Variants in PDPK1 observed in about 807,000 individuals in gnomAD.
The protein encoded by PDPK1 is 3-phosphoinositide dependent protein kinase 1, also known as 3-phosphoinositide-dependent protein kinase 1.
Under a neutral mutation model 39.8 loss-of-function variants are expected in PDPK1, and 7 were observed. That is an observed-to-expected ratio of 0.18 (90% CI 0.10 to 0.33). The LOEUF is 0.33. Ranked by LOEUF, PDPK1 falls within the 10% of genes least tolerant of loss-of-function variation. The pLI is 1.00. For synonymous variants in PDPK1, 118 were observed against 159.1 expected (o/e 0.74, Z 1.95); for missense variants, 182 against 384.7 (o/e 0.47, Z 4.41).
chr16:2,556,219 G>A (rs2066491625), intron 1 of PDPK1: 1 of 144,276 alleles, frequency 6.9e-6, no homozygotes, highest in African/African-American at 2.7e-5. Context: ...CCAATTAACT[G>A]CGACGACAGG....
chr16:2,592,083 G>C (rs1597070590), intron 11 of PDPK1, among the ~76,000 whole-genome samples: 1 of 152,236 alleles, frequency 6.6e-6, no homozygotes, highest in East Asian at 1.9e-4. Context: ...CGGGGCTCTG[G>C]GTCCTTGCTG....
intron 1 of PDPK1, among the ~76,000 whole-genome samples, chr16:2,543,738 T>C (rs554400741): frequency 6.6e-6 from 1 of 152,356 alleles, no homozygotes; most frequent in South Asian, 2.1e-4. Flanking sequence ...TTTTTTGTTT[T>C]TGAGACAGAA....
At chr16:2,562,684 CAG>C in intron 4 of PDPK1, 1 of 151,778 alleles carries the variant, frequency 6.6e-6, no homozygotes, top group Non-Finnish European at 1.5e-5. Context: ...CGATCCGTGT[CAG>C]AGGCTTCCCG....
Position 2,600,008 on chromosome 16 carries a change from C to T in PDPK1, c.*2241C>T, listed in dbSNP as rs565667834. On this transcript the variant is annotated 3_prime_UTR_variant, in exon 14 of 14. Coordinates refer to ENST00000342085, the MANE Select transcript of PDPK1 (RefSeq NM_002613.5). The stretch of plus-strand genomic sequence containing the variant: ...AGCCAAAATGATGCCATTGCCTGAG[C>T]TGACAGCCAAGCCCTTCTGTGGGTC... The T allele has an allele frequency of 4.7e-4, 109 of 233,072 alleles. 1 individual carries two copies. Among genetic ancestry groups the T allele is most frequent in the Non-Finnish European group, 8.2e-4 (97 of 118,134 alleles). The allele number at this position is 233,072 out of a possible 1,614,324, so 14.4% of individuals were successfully genotyped here. A position where few individuals can be genotyped will look rare whatever the true frequency, so the allele number is the denominator to read the frequency against.
rs189787811 is a variant in PDPK1, at chr16:2,598,176, G to T, written c.*409G>T. On this transcript the variant is annotated 3_prime_UTR_variant, in exon 14 of 14. Transcript: ENST00000342085. ...GTGCTGGTCCTGCTGTGGCCGAGGGGACCGGGTGTGTTTGGCTCTTTATGC... is the reference window on the plus strand; with the variant it reads ...GTGCTGGTCCTGCTGTGGCCGAGGGTACCGGGTGTGTTTGGCTCTTTATGC... 29 of 246,442 alleles carry T rather than the reference G, an allele frequency of 1.2e-4. 1 individual carries two copies. The East Asian group carries it at 1.3e-3, about 11-fold the overall frequency. 15.3% of individuals were successfully genotyped at this position (246,442 alleles called of 1,614,324 possible). A position where few individuals can be genotyped will look rare whatever the true frequency, so the allele number is the denominator to read the frequency against.
At chr16:2,544,809 C>A (rs996712594) in intron 1 of PDPK1, among the ~76,000 whole-genome samples, 2 of 152,090 alleles carry the variant, frequency 1.3e-5, no homozygotes, top group African/African-American at 4.8e-5. Flanking sequence ...TGGAATTGAT[C>A]TCCTGACCTC....
At position 2,603,163 on chromosome 16, in the gene PDPK1, T is replaced by G. The variant is rs1358710808; in HGVS notation, c.*5396T>G. The G allele has an allele frequency of 4.6e-6, 1 of 218,826 alleles. No homozygotes were observed. The highest frequency in any genetic ancestry group is 9.2e-6 in the Non-Finnish European group (1 of 108,934). The allele number at this position is 218,826 out of a possible 1,614,324, so 13.6% of individuals were successfully genotyped here. ...AATTTTCCTCGTATGGTCAGTAGTCTTGTAATAAAAAGCATGTAGAGTGTA... is the reference window on the plus strand; with the variant it reads ...AATTTTCCTCGTATGGTCAGTAGTCGTGTAATAAAAAGCATGTAGAGTGTA... On this transcript the variant is annotated 3_prime_UTR_variant, in exon 14 of 14. Transcript: ENST00000342085.
At chr16:2,591,346 A>G (rs1433240237) in intron 11 of PDPK1, among the ~76,000 whole-genome samples, 1 of 152,228 alleles carries the variant, frequency 6.6e-6, no homozygotes, top group East Asian at 1.9e-4. Flanking sequence ...GCCCCCATGT[A>G]TGACCCTATG....
chr16:2,598,034 G>T lies in PDPK1; in HGVS notation c.*267G>T. The T allele has an allele frequency of 2.0e-6, 1 of 507,980 alleles. No individual in the cohort carries two copies. The highest frequency in any genetic ancestry group is 3.4e-5 in the East Asian group (1 of 29,844). The allele number at this position is 507,980 out of a possible 1,614,324, so 31.5% of individuals were successfully genotyped here. On this transcript the variant is annotated 3_prime_UTR_variant, in exon 14 of 14. Coordinates refer to ENST00000342085, the MANE Select transcript of PDPK1 (RefSeq NM_002613.5). ...GAGGCCTCCGTGTGCCCTCGTTGCC[G>T]TGGGGACCCAGCTCCATGCACGTCA... is the stretch of plus-strand genomic sequence containing the variant.
At chr16:2,557,990 A>C in intron 2 of PDPK1, 27 bp downstream of exon 2, 1 of 1,610,252 alleles carries the variant, frequency 6.2e-7, no homozygotes, top group East Asian at 2.2e-5. Flanking sequence ...GCTGTGTGTC[A>C]AACGTACGTG....
intron 11 of PDPK1, among the ~76,000 whole-genome samples, chr16:2,589,965 T>A (rs1366988100): frequency 6.6e-6 from 1 of 152,194 alleles, no homozygotes. Context: ...CAGTCCACAA[T>A]GCAGTCGAAA....
At chr16:2,587,102 CCCT>C (rs2066893157) in intron 11 of PDPK1, among the ~76,000 whole-genome samples, 1 of 152,216 alleles carries the variant, frequency 6.6e-6, no homozygotes, top group Non-Finnish European at 1.5e-5. Context: ...CCGGGCGCTC[CCCT>C]CCTCTGCCGG....
At chr16:2,585,934 T>C (rs1299917462) in intron 10 of PDPK1, among the ~76,000 whole-genome samples, 1 of 152,214 alleles carries the variant, frequency 6.6e-6, no homozygotes, top group Admixed American at 6.5e-5. Context: ...CCCCTTGTCC[T>C]TGGCCTCCAC....
At chr16:2,540,045 C>T (rs2066216175) in intron 1 of PDPK1, among the ~76,000 whole-genome samples, 3 of 152,188 alleles carry the variant, frequency 2.0e-5, no homozygotes, top group Admixed American at 2.0e-4. Context: ...CTGGATTCCC[C>T]CATGTGTACG....
chr16:2,586,556 C>G (rs1389871776), intron 10 of PDPK1, 120 bp from the exon 11 acceptor site: 3 of 795,658 alleles, frequency 3.8e-6, no homozygotes, highest in Middle Eastern at 3.6e-4. Context: ...ACCCTGTCGC[C>G]TTGCGCCTTG....
At chr16:2,596,024 G>A (rs1179706206) in intron 12 of PDPK1, among the ~76,000 whole-genome samples, 174 bp downstream of exon 12, 1 of 152,200 alleles carries the variant, frequency 6.6e-6, no homozygotes, top group East Asian at 1.9e-4. Context: ...AAGCCATGTG[G>A]AGCCACACGC....
chr16:2,595,682 G>T (rs1290785398), intron 11 of PDPK1, 111 bp from the exon 12 acceptor site: 9 of 824,084 alleles, frequency 1.1e-5, no homozygotes, highest in Non-Finnish European at 1.9e-5. Flanking sequence ...AGTGAGGCTG[G>T]CTCTGTGAGG....
Position 2,562,147 on chromosome 16 carries a change from TG to T in PDPK1, c.466+240del, listed in dbSNP as rs1270516212. On this transcript the variant is annotated intron_variant, in intron 4 of 13. Coordinates refer to ENST00000342085, the MANE Select transcript of PDPK1 (RefSeq NM_002613.5). ...CAGCACAGTCCTCTCTGCTGCGGCT[TG>T]CTTGGTCGGCGTCCCTTGCTCCCCT... 45 of 529,598 alleles carry T rather than the reference TG, an allele frequency of 8.5e-5. No homozygotes were observed. The African/African-American group carries it at 8.6e-4, about 10-fold the overall frequency. The allele number at this position is 529,598 out of a possible 1,614,324, so 32.8% of individuals were successfully genotyped here.
Position 2,597,083 on chromosome 16 carries a change from A to G in PDPK1, c.1402-40A>G. 2 of 1,511,768 alleles carry G rather than the reference A, an allele frequency of 1.3e-6. No individual in the cohort carries two copies. Among genetic ancestry groups the G allele is most frequent in the Non-Finnish European group, 8.9e-7 (1 of 1,120,696 alleles). 93.6% of individuals were successfully genotyped at this position (1,511,768 alleles called of 1,614,324 possible). ...CTAGGCTCCAGGAGATGCCGTCAGC[A>G]CTGGCCTCTGAGGCCTGTTGTTTTG... On this transcript the variant is annotated intron_variant, in intron 12 of 13. Coordinates refer to ENST00000342085, the MANE Select transcript of PDPK1 (RefSeq NM_002613.5). The surrounding 1 kb of genome is among the most constrained non-coding windows in gnomAD (Gnocchi z 6.3).
Sources: allele counts gnomAD v4.1 joint callset (sites outside exome capture counted in the v4.1 genomes callset), GRCh38; gene constraint gnomAD v4.1.1; non-coding constraint Gnocchi (gnomAD v3.1); transcripts MANE v1.5; gene names NCBI Gene and HGNC (gene_info 2026-07-23, HGNC 2026-07-21).